Variants in RGS19 observed in about 807,000 individuals in gnomAD.
RGS19 encodes the protein G alpha interacting protein.
In RGS19, 9 loss-of-function variants were observed where a neutral mutation model predicts 22.0. The observed-to-expected ratio is 0.41, with a 90% confidence interval of 0.25 to 0.71. The LOEUF is 0.71. RGS19 is among the 30% of genes least tolerant of loss of function. The pLI is 0.32. For synonymous variants in RGS19, 130 were observed against 127.3 expected, an observed-to-expected ratio of 1.02 and a Z score of -0.14; for missense variants, 256 against 307.1, an observed-to-expected ratio of 0.83 and a Z score of 1.24.
chr20:64,074,882 G>T (rs1021560723), intron 3 of RGS19, among the ~76,000 whole-genome samples: 9 of 152,222 alleles, frequency 5.9e-5, no homozygotes, highest in African/African-American at 2.2e-4. Flanking sequence ...TTCGGCTCCT[G>T]GTGTGCTCCT....
At chr20:64,074,686 C>T (rs2059891131) in intron 3 of RGS19, 145 bp from the exon 4 acceptor site, 1 of 727,100 alleles carries the variant, frequency 1.4e-6, no homozygotes, top group Non-Finnish European at 2.2e-6. Context: ...CACATGGGCA[C>T]CCACTGCAGG....
At chr20:64,078,485 G>C (rs1380796550) in intron 1 of RGS19, among the ~76,000 whole-genome samples, 2 of 152,140 alleles carry the variant, frequency 1.3e-5, no homozygotes, top group African/African-American at 4.8e-5. Context: ...CCCCACCCAG[G>C]GTCCTCCCCC....
intron 3 of RGS19, 97 bp downstream of exon 3, chr20:64,076,428 G>T (rs2059905689): frequency 6.4e-7 from 1 of 1,555,004 alleles, no homozygotes; most frequent in Admixed American, 1.8e-5. Context: ...CCTGCCTGCG[G>T]GGATGCCTCG....
At position 64,076,930 on chromosome 20, in the gene RGS19, C is replaced by G. The variant is rs757069303; in HGVS notation, c.-44G>C. 6.7e-7 allele frequency: 1 copy of G among 1,484,676 alleles called. No homozygotes were observed. Among genetic ancestry groups the G allele is most frequent in the Non-Finnish European group, 8.9e-7 (1 of 1,119,984 alleles). The allele number at this position is 1,484,676 out of a possible 1,614,324, so 92.0% of individuals were successfully genotyped here. A position where few individuals can be genotyped will look rare whatever the true frequency, so the allele number is the denominator to read the frequency against. Reference sequence around the variant, plus strand: ...GCCCAGGCTCCGTGGTACCAGCTCTCAGACCCTCACCACAGCCTGGGGGTC... The same window carrying G: ...GCCCAGGCTCCGTGGTACCAGCTCTGAGACCCTCACCACAGCCTGGGGGTC... On this transcript the variant is annotated 5_prime_UTR_variant, in exon 2 of 6. Coordinates refer to ENST00000395042, the MANE Select transcript of RGS19 (RefSeq NM_005873.3).
chr20:64,074,193 T>C lies in RGS19; in HGVS notation c.413A>G (p.Lys138Arg). The change falls in exon 5 of 6, where the codon AAG becomes AGG. Residue 138 changes from lysine to arginine, a missense_variant. Coordinates refer to ENST00000395042, the MANE Select transcript of RGS19 (RefSeq NM_005873.3). ...AEANQHVVDEKARLIYEDYVS... is the reference protein window; with the variant it reads ...AEANQHVVDERARLIYEDYVS... ...GTAGTCCTCGTAGATGAGCCTCGCC[T>C]TCTCGTCTACCACATGCTGGTTGGC... The C allele has an allele frequency of 6.2e-7, 1 of 1,614,106 alleles. No homozygotes were observed. Among genetic ancestry groups the C allele is most frequent in the South Asian group, 1.1e-5 (1 of 91,088 alleles).
In RGS19 at chr20:64,073,823, G is replaced by A. The variant is rs546639447; in HGVS notation, c.*30C>T. 1.3e-5 allele frequency: 20 copies of A among 1,566,228 alleles called. No homozygotes were observed. Among genetic ancestry groups the A allele is most frequent in the Non-Finnish European group, 2.6e-6 (3 of 1,150,798 alleles). The stretch of plus-strand genomic sequence containing the variant: ...AGGGAACCCAGAGTCGGCCGTAGGA[G>A]GCGGCGGGGTCTGTGCTGCTGGGGG... On this transcript the variant is annotated 3_prime_UTR_variant, in exon 6 of 6. Transcript: ENST00000395042.
At chr20:64,077,601 C>T (rs1026674800) in intron 1 of RGS19, among the ~76,000 whole-genome samples, 1 of 152,182 alleles carries the variant, frequency 6.6e-6, no homozygotes, top group African/African-American at 2.4e-5. Flanking sequence ...TCCCTCCCTC[C>T]TTGCCCACTG....
rs767424928 is a variant in RGS19 at position 64,074,507 on chromosome 20, G to A, written c.187C>T (p.Arg63Trp). 8.2e-6 allele frequency: 13 copies of A among 1,578,606 alleles called. No homozygotes were observed. Among genetic ancestry groups the A allele is most frequent in the Non-Finnish European group, 9.5e-6 (11 of 1,163,254 alleles). The part of the protein sequence containing the change: ...QERRRAWQAS[R>W]ESKLQPLPSC... ...GGGAGGGGCTGCAGCTTGCTCTCCC[G>A]GGAGGCCTGCCACGCGCGCCGCCGC... The change falls in exon 4 of 6, where the codon CGG becomes TGG. Residue 63 changes from arginine (R) to tryptophan (W), a missense_variant. Arg to Trp is a moderately radical substitution (Grantham distance 101). Transcript: ENST00000395042.
chr20:64,076,559 A>G lies in RGS19; in HGVS notation c.118T>C (p.Cys40Arg), dbSNP rs774694121. ...SPAAPSRNPC[C>R]LCWCCCCSCS... ...CTACAGCAGCAGCACCAGCACAGGCAGCAGGGGTTGCGGCTGGGGGCCGCT... is the reference window on the plus strand; with the variant it reads ...CTACAGCAGCAGCACCAGCACAGGCGGCAGGGGTTGCGGCTGGGGGCCGCT... The change falls in exon 3 of 6, where the codon TGC becomes CGC. Residue 40 changes from cysteine to arginine, a missense_variant. By Grantham distance (180) the Cys-to-Arg change is radical. Transcript: ENST00000395042. 6.2e-7 allele frequency: 1 copy of G among 1,612,996 alleles called. No homozygotes were observed. The highest frequency in any genetic ancestry group is 8.5e-7 in the Non-Finnish European group (1 of 1,179,884).
Position 64,076,905 on chromosome 20 carries a change from G to T in RGS19, c.-19C>A, listed in dbSNP as rs183491764. ...TGGGCATGGGTGGGCGGAGGAGGTT[G>T]CCCAGGCTCCGTGGTACCAGCTCTC... On this transcript the variant is annotated 5_prime_UTR_variant, in exon 2 of 6. Transcript: ENST00000395042. 2.4e-4 allele frequency: 359 copies of T among 1,516,086 alleles called. 2 individuals carry two copies. The African/African-American group carries it at 4.7e-3, about 20-fold the overall frequency. The allele number at this position is 1,516,086 out of a possible 1,614,324, so 93.9% of individuals were successfully genotyped here. A position where few individuals can be genotyped will look rare whatever the true frequency, so the allele number is the denominator to read the frequency against.
In RGS19 at chr20:64,073,862, G is replaced by A. The variant is rs779267744; in HGVS notation, c.645C>T (p.Ser215=). The change falls in exon 6 of 6, where the codon TCC becomes TCT. Residue 215 remains serine, a synonymous_variant. Coordinates refer to ENST00000395042, the MANE Select transcript of RGS19 (RefSeq NM_005873.3). ...TGCTGCTGGGGGCGGCCTAGGCCTCGGAGGAGGACTGTGATGGCCCCTGCA... is the reference window on the plus strand; with the variant it reads ...TGCTGCTGGGGGCGGCCTAGGCCTCAGAGGAGGACTGTGATGGCCCCTGCA... The part of the protein sequence containing the change: ...LLLQGPSQSS[S]EA 9 of 1,609,810 alleles carry A rather than the reference G, an allele frequency of 5.6e-6. No homozygotes were observed. Among genetic ancestry groups the A allele is most frequent in the East Asian group, 4.5e-5 (2 of 44,784 alleles).
At chr20:64,076,718 CCATGGGTAG>C in intron 2 of RGS19, 72 bp from the exon 3 acceptor site, 1 of 1,521,810 alleles carries the variant, frequency 6.6e-7, no homozygotes. Flanking sequence ...CCCCACCTTC[CCATGGGTAG>C]CCCTGTTCCC....
At chr20:64,078,273 G>A (rs1178100928) in intron 1 of RGS19, among the ~76,000 whole-genome samples, 1 of 152,260 alleles carries the variant, frequency 6.6e-6, no homozygotes, top group Non-Finnish European at 1.5e-5. Context: ...CCTCACCACC[G>A]GCCCAGTTTC....
rs1272315518 is a variant in RGS19, at chr20:64,075,189, G to A, written c.153-648C>T. Among the ~76,000 whole-genome samples, 1 of 151,992 alleles carries A rather than the reference G, an allele frequency of 6.6e-6. No individual in the cohort carries two copies. Among genetic ancestry groups the A allele is most frequent in the South Asian group, 2.1e-4 (1 of 4,822 alleles). ...ATGTGCCTGGGAACAGGGCCACCCTGCTCCTGGGCCTGATCTTGGCCTGTC... is the reference window on the plus strand; with the variant it reads ...ATGTGCCTGGGAACAGGGCCACCCTACTCCTGGGCCTGATCTTGGCCTGTC... On this transcript the variant is annotated intron_variant, in intron 3 of 5. Coordinates refer to ENST00000395042, the MANE Select transcript of RGS19 (RefSeq NM_005873.3). The surrounding 1 kb of genome is among the most constrained non-coding windows in gnomAD (Gnocchi z 4.6).
At position 64,074,508 on chromosome 20, in the gene RGS19, G is replaced by C; in HGVS notation, c.186C>G (p.Ser62=). ...NQERRRAWQA[S]RESKLQPLPS... is the part of the protein sequence containing the mutation. ...GGAGGGGCTGCAGCTTGCTCTCCCG[G>C]GAGGCCTGCCACGCGCGCCGCCGCT... The change falls in exon 4 of 6, where the codon TCC becomes TCG. Residue 62 remains serine (S), a synonymous_variant. Coordinates refer to ENST00000395042, the MANE Select transcript of RGS19 (RefSeq NM_005873.3). The C allele has an allele frequency of 6.3e-7, 1 of 1,578,428 alleles. No individual in the cohort carries two copies. Among genetic ancestry groups the C allele is most frequent in the Non-Finnish European group, 8.6e-7 (1 of 1,163,094 alleles).
chr20:64,074,436 C>CA lies in RGS19; in HGVS notation c.227+30dup. On this transcript the variant is annotated intron_variant, in intron 4 of 5. Transcript: ENST00000395042. ...CGAGTCTCCCGGTCTGGGGCCCCCC[C>CA]AGCACGCACACACCAGCCGGCTGGA... The CA allele has an allele frequency of 1.9e-6, 3 of 1,575,540 alleles. No individual in the cohort carries two copies. The South Asian group carries it at 3.4e-5, about 18-fold the overall frequency.
rs138917563 is a variant in RGS19 at position 64,076,583 on chromosome 20, C to A, written c.94G>T (p.Ala32Ser). The change falls in exon 3 of 6, where the codon GCG becomes TCG. Residue 32 changes from alanine to serine, a missense_variant. By Grantham distance (99) the Ala-to-Ser change is moderately conservative. Transcript: ENST00000395042. ...CAGCAGGGGTTGCGGCTGGGGGCCG[C>A]TGGAGAGGCTGTATCATGACTGGAC... ...SMSSHDTASP[A>S]APSRNPCCLC... The A allele has an allele frequency of 3.7e-6, 6 of 1,612,508 alleles. No homozygotes were observed. Among genetic ancestry groups the A allele is most frequent in the Non-Finnish European group, 5.1e-6 (6 of 1,179,702 alleles).
rs1275195599 is a variant in RGS19, at chr20:64,075,574, G to A, written c.152+951C>T. 1.3e-5 allele frequency among the ~76,000 whole-genome samples: 2 copies of A among 151,886 alleles called. No homozygotes were observed. The highest frequency in any genetic ancestry group is 2.4e-5 in the African/African-American group (1 of 41,318). On this transcript the variant is annotated intron_variant, in intron 3 of 5. Coordinates refer to ENST00000395042, the MANE Select transcript of RGS19 (RefSeq NM_005873.3). This position sits in a 1 kb window ranked among gnomAD's most constrained non-coding sequence, Gnocchi z 4.6. ...AGCTGACGCCACCTTGGATCCAGAA[G>A]CGCTGTCCTCTCATCAGCCAGGGCC...
intron 1 of RGS19, among the ~76,000 whole-genome samples, chr20:64,077,220 C>T (rs1204576759): frequency 6.6e-6 from 1 of 152,124 alleles, no homozygotes; most frequent in African/African-American, 2.4e-5. Context: ...TTCCGAGACA[C>T]CCCCATCCGC....
Sources: allele counts gnomAD v4.1 joint callset (sites outside exome capture counted in the v4.1 genomes callset), GRCh38; gene constraint gnomAD v4.1.1; non-coding constraint Gnocchi (gnomAD v3.1); transcripts MANE v1.5; gene names NCBI Gene and HGNC (gene_info 2026-07-23, HGNC 2026-07-21).